Variants in RABL6 observed in about 807,000 individuals in gnomAD.
RABL6 encodes rab-like protein 6.
A neutral mutation model predicts 72.9 loss-of-function variants in RABL6; 28 were observed. That is an observed-to-expected ratio of 0.38 (90% CI 0.28 to 0.53). The LOEUF (loss-of-function observed/expected upper bound fraction) is 0.53, where lower values mean the gene tolerates loss of function less well. Among genes scored for constraint, RABL6 ranks in the 20% least tolerant of loss-of-function variants. The pLI is 0.80. For synonymous variants in RABL6, 477 were observed against 421.2 expected, an observed-to-expected ratio of 1.13 and a Z score of -1.62; for missense variants, 1,029 against 1,008.4, an observed-to-expected ratio of 1.02 and a Z score of -0.28.
intron 8 of RABL6, 59 bp downstream of exon 8, chr9:136,835,904 C>A: frequency 6.8e-7 from 1 of 1,469,582 alleles, no homozygotes; most frequent in Non-Finnish European, 9.3e-7. Flanking sequence ...GGCCGTGGTG[C>A]AGGGCCATGG....
chr9:136,819,694 C>T (rs141438678), intron 1 of RABL6, among the ~76,000 whole-genome samples: 2 of 152,088 alleles, frequency 1.3e-5, no homozygotes, highest in East Asian at 1.9e-4. Flanking sequence ...TGAAAGAGAG[C>T]GGGTAGAAAT....
rs1213892804 is a variant in RABL6 at position 136,841,181 on chromosome 9, C to A, written c.*659C>A. ...CTCAGACCATAAAGCACTCCTGTTT[C>A]ACTCTGCGTGTGTCTGTTCTTCTGC... On this transcript the variant is annotated 3_prime_UTR_variant, in exon 15 of 15. Transcript: ENST00000311502. 1.5e-6 allele frequency: 1 copy of A among 653,412 alleles called. No individual in the cohort carries two copies. Among genetic ancestry groups the A allele is most frequent in the Non-Finnish European group, 2.3e-6 (1 of 437,548 alleles). The allele number at this position is 653,412 out of a possible 1,614,324, so 40.5% of individuals were successfully genotyped here.
At chr9:136,810,224 A>C (rs1320492891) in intron 1 of RABL6, among the ~76,000 whole-genome samples, 1 of 152,092 alleles carries the variant, frequency 6.6e-6, no homozygotes, top group Non-Finnish European at 1.5e-5. Flanking sequence ...GAAACTGTTC[A>C]CCTTCTGAAA....
rs1038976545 is a variant in RABL6 at position 136,839,600 on chromosome 9, C to T, written c.1759-94C>T. ...CTTCTGGAAGAGGCATCTCATGTCC[C>T]CACACTTGGGCCTTGCCGGCCTGGT... is the stretch of plus-strand genomic sequence containing the variant. On this transcript the variant is annotated intron_variant, in intron 12 of 14. Transcript: ENST00000311502. 1.3e-5 allele frequency: 20 copies of T among 1,549,432 alleles called. No homozygotes were observed. In the Admixed American group the frequency reaches 3.6e-4, roughly 28 times the overall value.
chr9:136,823,776 G>C, intron 2 of RABL6, 117 bp downstream of exon 2: 1 of 1,331,588 alleles, frequency 7.5e-7, no homozygotes, highest in Non-Finnish European at 9.9e-7. Context: ...TGTCTGTGAG[G>C]GACCCTGCTG....
Position 136,839,459 on chromosome 9 carries a change from C to G in RABL6, c.1731C>G (p.Ser577Arg). Residue 577 changes from serine (S) to arginine (R), a missense_variant, in exon 12 of 15, where the codon AGC becomes AGG. This residue lies in a region of RABL6 where 595 missense variants were observed against 472.4 expected (regional missense o/e 1.26). Coordinates refer to ENST00000311502, the MANE Select transcript of RABL6 (RefSeq NM_024718.5). ...TCATGGATGACCCCGACTTTGAGAG[C>G]GAGGGATCAGACACACAGCGCAGGG... is the stretch of plus-strand genomic sequence containing the variant. ...SFVMDDPDFE[S>R]EGSDTQRRAD... The G allele has an allele frequency of 1.2e-6, 2 of 1,612,364 alleles. No homozygotes were observed. Among genetic ancestry groups the G allele is most frequent in the Non-Finnish European group, 1.7e-6 (2 of 1,179,632 alleles).
intron 4 of RABL6, among the ~76,000 whole-genome samples, chr9:136,829,075 T>C (rs1400730113): frequency 6.6e-6 from 1 of 152,188 alleles, no homozygotes. Context: ...TGAGGGCAGC[T>C]GGTAGTCCAG....
In RABL6 at chr9:136,823,583, G is replaced by A; in HGVS notation, c.189G>A (p.Leu63=). ...GCAAGACAGCGCTGTGGCACCGCCTGCAGGGCCGGCCGTTCGTGGAGGAGT... is the reference window on the plus strand; with the variant it reads ...GCAAGACAGCGCTGTGGCACCGCCTACAGGGCCGGCCGTTCGTGGAGGAGT... The part of the protein sequence containing the change: ...NTGKTALWHR[L]QGRPFVEEYI... Residue 63 remains leucine, a synonymous_variant, in exon 2 of 15, where the codon CTG becomes CTA. Coordinates refer to ENST00000311502, the MANE Select transcript of RABL6 (RefSeq NM_024718.5). 3 of 1,613,870 alleles carry A rather than the reference G, an allele frequency of 1.9e-6. No homozygotes were observed. Among genetic ancestry groups the A allele is most frequent in the Non-Finnish European group, 2.5e-6 (3 of 1,179,864 alleles).
chr9:136,828,351 T>C, intron 3 of RABL6, 143 bp from the exon 4 acceptor site: 1 of 753,286 alleles, frequency 1.3e-6, no homozygotes, highest in East Asian at 2.7e-5. Context: ...AGCTTGTGGG[T>C]GCCCACGCTG....
In RABL6 at chr9:136,835,849, T is replaced by G. The variant is rs1564371114; in HGVS notation, c.809+4T>G. The G allele has an allele frequency of 1.3e-6, 2 of 1,551,486 alleles. No individual in the cohort carries two copies. Among genetic ancestry groups the G allele is most frequent in the Non-Finnish European group, 1.7e-6 (2 of 1,148,460 alleles). The stretch of plus-strand genomic sequence containing the variant: ...CGGAGGACCAGAACTACGGCATGTA[T>G]GTGGCCGGACCCGCCCGTGCGGGCG... On this transcript the variant is annotated splice_donor_region_variant and intron_variant, in intron 8 of 14. Transcript: ENST00000311502.
rs200255515 is a variant in RABL6, at chr9:136,839,810, G to A, written c.1875G>A (p.Ser625=). The stretch of plus-strand genomic sequence containing the variant: ...CCGCCTTCAGACTGAAGAATGACTC[G>A]GACCTCTTCGGGCTGGGGCTGGAGG... The part of the protein sequence containing the change: ...PLPAFRLKND[S]DLFGLGLEEA... The change falls in exon 13 of 15, where the codon TCG becomes TCA. Residue 625 remains serine, a synonymous_variant. Transcript: ENST00000311502. 170 of 1,612,620 alleles carry A rather than the reference G, an allele frequency of 1.1e-4. No individual in the cohort carries two copies. The highest frequency in any genetic ancestry group is 2.7e-4 in the East Asian group (12 of 44,890).
chr9:136,825,669 T>A, intron 2 of RABL6, 110 bp from the exon 3 acceptor site: 1 of 1,205,008 alleles, frequency 8.3e-7, no homozygotes, highest in Non-Finnish European at 1.2e-6. Context: ...TCGGAAGTCC[T>A]GGTGGGAGCC....
At chr9:136,808,858 G>GT (rs1847936855) in intron 1 of RABL6, 1 of 152,082 alleles carries the variant, frequency 6.6e-6, no homozygotes, top group Admixed American at 6.5e-5. Context: ...TAAAAGAAGC[G>GT]TTTGTAAGAG....
intron 7 of RABL6, chr9:136,835,477 G>C: frequency 2.3e-6 from 1 of 438,786 alleles, no homozygotes; most frequent in Non-Finnish European, 4.1e-6. Context: ...TTGCTGTTGA[G>C]GTTTATGCCT....
intron 1 of RABL6, chr9:136,813,922 CA>C (rs1848065169): frequency 1.8e-5 from 6 of 338,420 alleles, no homozygotes; most frequent in South Asian, 1.3e-4. Flanking sequence ...TGCGCCCAGC[CA>C]AAACACTTGT....
Position 136,833,759 on chromosome 9 carries a change from G to A in RABL6, c.705+1389G>A, listed in dbSNP as rs761628258. On this transcript the variant is annotated intron_variant, in intron 7 of 14. Transcript: ENST00000311502. ...TGCCCAGGAAAGGGGCTGTGCTGTC[G>A]TCCTGGTGTCAGAAGAAGTGAGGAT... 6.8e-5 allele frequency: 105 copies of A among 1,550,472 alleles called. 1 individual carries two copies. In the South Asian group the frequency reaches 9.5e-4, roughly 14 times the overall value.
chr9:136,840,223 C>T lies in RABL6; in HGVS notation c.1989+11C>T, dbSNP rs764032840. 5.0e-5 allele frequency: 81 copies of T among 1,612,642 alleles called. No individual in the cohort carries two copies. Among genetic ancestry groups the T allele is most frequent in the South Asian group, 4.3e-4 (39 of 91,088 alleles). The stretch of plus-strand genomic sequence containing the variant: ...AAAAAAGGCAAAGAGGTACTGGCTA[C>T]TCCCCTTCCTGGCAGGCCAGGACTG... On this transcript the variant is annotated intron_variant, in intron 14 of 14. Coordinates refer to ENST00000311502, the MANE Select transcript of RABL6 (RefSeq NM_024718.5).
chr9:136,822,200 G>A, intron 1 of RABL6: 1 of 874,428 alleles, frequency 1.1e-6, no homozygotes, highest in Non-Finnish European at 1.5e-6. Flanking sequence ...AACCTGGGGG[G>A]GGCGTTGCGG....
intron 1 of RABL6, chr9:136,821,763 C>A: frequency 5.2e-6 from 6 of 1,155,472 alleles, no homozygotes; most frequent in Non-Finnish European, 6.5e-6. Flanking sequence ...GGCTGGAGGG[C>A]GCTGCAGGCG....
Sources: gnomAD v4.1 joint callset for allele counts (sites outside exome capture counted in the v4.1 genomes callset) on GRCh38, gnomAD v4.1.1 for gene constraint, gnomAD v4.1.1 regional missense constraint, MANE v1.5 for transcripts, NCBI Gene and HGNC (gene_info 2026-07-23, HGNC 2026-07-21) for gene names.